Variants in DDX10 observed in about 807,000 individuals in gnomAD.
DDX10 encodes the protein DEAD-box helicase 10.
DDX10 carries 74 observed loss-of-function variants against 104.3 expected under a neutral mutation model. The ratio of observed to expected loss-of-function variants is 0.71; its 90% confidence interval spans 0.59 to 0.86. DDX10 has a LOEUF of 0.86. Ranked by LOEUF, DDX10 falls within the 40% of genes least tolerant of loss-of-function variation. The pLI is 0.00. For missense variants in DDX10, 952 were observed against 1,040.0 expected (o/e 0.92, Z 1.16); for synonymous variants, 351 against 353.4 (o/e 0.99, Z 0.08).
At position 108,754,900 on chromosome 11, in the gene DDX10, C is replaced by A. The variant is rs553703583; in HGVS notation, c.1965+31438C>A. Among the ~76,000 whole-genome samples the A allele has an allele frequency of 3.9e-5, 6 of 152,128 alleles. No individual in the cohort carries two copies. The East Asian group carries it at 1.2e-3, about 29-fold the overall frequency. On this transcript the variant is annotated intron_variant, in intron 13 of 17. Coordinates refer to ENST00000322536, the MANE Select transcript of DDX10 (RefSeq NM_004398.4). ...AAAAGGTTGGATTTTCAGACTGATA[C>A]ATTTACATCTGTTTAATTTGAATAT...
chr11:108,790,363 A>G (rs1861853772), intron 13 of DDX10, among the ~76,000 whole-genome samples: 1 of 152,244 alleles, frequency 6.6e-6, no homozygotes, highest in South Asian at 2.1e-4. Flanking sequence ...AGAAGGAAGC[A>G]GAGGTATTAA....
chr11:108,820,545 T>C (rs1591827039), intron 13 of DDX10, among the ~76,000 whole-genome samples: 1 of 152,218 alleles, frequency 6.6e-6, no homozygotes, highest in East Asian at 1.9e-4. Flanking sequence ...TGTATCAGTG[T>C]GTAATCATAC....
rs368688576 is a variant in DDX10, at chr11:108,806,185, A to C, written c.1966-32261A>C. On this transcript the variant is annotated intron_variant, in intron 13 of 17. Coordinates refer to ENST00000322536, the MANE Select transcript of DDX10 (RefSeq NM_004398.4). ...TCCATGTTGGCTAGGCTGGTCTCGA[A>C]CTCCTGGCCTCAGGTGATCCCTCCG... Among the ~76,000 whole-genome samples the C allele has an allele frequency of 1.1e-4, 17 of 152,086 alleles. No individual in the cohort carries two copies. The East Asian group carries it at 3.3e-3, about 30-fold the overall frequency.
At chr11:108,906,204 T>C (rs1014706873) in intron 16 of DDX10, among the ~76,000 whole-genome samples, 2 of 152,230 alleles carry the variant, frequency 1.3e-5, no homozygotes, top group African/African-American at 4.8e-5. Flanking sequence ...CATTCTAACA[T>C]TGATACTCCT....
At chr11:108,938,826 G>A (rs1864067939) in intron 17 of DDX10, among the ~76,000 whole-genome samples, 1 of 152,098 alleles carries the variant, frequency 6.6e-6, no homozygotes, top group African/African-American at 2.4e-5. Flanking sequence ...GCATCAAGCT[G>A]GTCATAAATG....
chr11:108,670,434 T>C (rs1220712769), intron 1 of DDX10, among the ~76,000 whole-genome samples: 3 of 152,250 alleles, frequency 2.0e-5, no homozygotes, highest in East Asian at 3.9e-4. Flanking sequence ...GCCAGGCTGA[T>C]GGGGAGTCAC....
chr11:108,739,160 A>C (rs1220739502), intron 13 of DDX10, among the ~76,000 whole-genome samples: 1 of 152,212 alleles, frequency 6.6e-6, no homozygotes, highest in African/African-American at 2.4e-5. Context: ...CAAGATGTAC[A>C]GAAACATGAG....
chr11:108,714,613 G>T (rs367856095), intron 10 of DDX10, among the ~76,000 whole-genome samples: 1 of 151,804 alleles, frequency 6.6e-6, no homozygotes, highest in African/African-American at 2.4e-5. Flanking sequence ...GTTAACTTCA[G>T]GAAGCACTGA....
At chr11:108,712,800 CTT>C (rs2094286203) in intron 10 of DDX10, among the ~76,000 whole-genome samples, 11 of 150,564 alleles carry the variant, frequency 7.3e-5, no homozygotes, top group African/African-American at 2.7e-4. Context: ...GAGTTTCTCA[CTT>C]ACGTTTTTTT....
At chr11:108,782,699 A>C (rs1861722975) in intron 13 of DDX10, among the ~76,000 whole-genome samples, 7 of 152,094 alleles carry the variant, frequency 4.6e-5, no homozygotes, top group Admixed American at 4.6e-4. Flanking sequence ...CCCTGTTTGC[A>C]GTGTCTACCA....
Position 108,715,929 on chromosome 11 carries a change from T to C in DDX10, c.1373T>C (p.Leu458Ser). 6.4e-7 allele frequency: 1 copy of C among 1,568,226 alleles called. No homozygotes were observed. The highest frequency in any genetic ancestry group is 1.1e-5 in the South Asian group (1 of 89,002). The part of the protein sequence containing the change: ...IDVQKKLESI[L>S]AQDQDLKERA... ...GTCCAGAAAAAATTGGAATCTATTT[T>C]AGCTCAAGATCAAGATTTAAAAGAA... The change falls in exon 11 of 18, where the codon TTA (leucine) becomes TCA (serine). Residue 458 changes from leucine (L) to serine (S), a missense_variant. By Grantham distance (145) the Leu-to-Ser change is moderately radical. Coordinates refer to ENST00000322536, the MANE Select transcript of DDX10 (RefSeq NM_004398.4).
intron 1 of DDX10, among the ~76,000 whole-genome samples, chr11:108,666,905 C>G (rs919406233): frequency 6.6e-6 from 1 of 152,196 alleles, no homozygotes. Flanking sequence ...TTTTCAGCAC[C>G]ACATCCTAGC....
chr11:108,719,911 T>C (rs932865951), intron 12 of DDX10, 26 bp downstream of exon 12: 1 of 1,269,766 alleles, frequency 7.9e-7, no homozygotes. Flanking sequence ...ATAGTTGTAA[T>C]AGTGAATCCT....
At position 108,880,740 on chromosome 11, in the gene DDX10, A is replaced by T. The variant is rs187646655; in HGVS notation, c.2304+28531A>T. Among the ~76,000 whole-genome samples the T allele has an allele frequency of 9.0e-4, 137 of 152,280 alleles. 1 individual carries two copies. The highest frequency in any genetic ancestry group is 3.2e-3 in the African/African-American group (134 of 41,548). The stretch of plus-strand genomic sequence containing the variant: ...AGCATTTAAACAGGAAAGTAACATA[A>T]TCCGGGTCATTTGGCCCAGACTTGA... On this transcript the variant is annotated intron_variant, in intron 16 of 17. Transcript: ENST00000322536.
chr11:108,763,789 C>A (rs1377388462), intron 13 of DDX10, among the ~76,000 whole-genome samples: 2 of 151,902 alleles, frequency 1.3e-5, no homozygotes, highest in African/African-American at 4.8e-5. Flanking sequence ...TAATAAAAAG[C>A]AAAGAGTTTT....
At chr11:108,845,384 C>G (rs1200521739) in intron 15 of DDX10, among the ~76,000 whole-genome samples, 1 of 151,874 alleles carries the variant, frequency 6.6e-6, no homozygotes, top group East Asian at 1.9e-4. Context: ...CATTTTTTTC[C>G]TAACTGAGTA....
rs1331500821 is a variant in DDX10 at position 108,764,599 on chromosome 11, G to A, written c.1965+41137G>A. Among the ~76,000 whole-genome samples, 5 of 152,284 alleles carry A rather than the reference G, an allele frequency of 3.3e-5. No individual in the cohort carries two copies. The East Asian group carries it at 9.6e-4, about 29-fold the overall frequency. Reference sequence around the variant, plus strand: ...CAGGAGAATTGCTTGAACCCAGGAGGCAGAGGCTACAGTGAGCTGAGATCG... The same window carrying A: ...CAGGAGAATTGCTTGAACCCAGGAGACAGAGGCTACAGTGAGCTGAGATCG... On this transcript the variant is annotated intron_variant, in intron 13 of 17. Coordinates refer to ENST00000322536, the MANE Select transcript of DDX10 (RefSeq NM_004398.4).
At chr11:108,796,434 C>T (rs533017401) in intron 13 of DDX10, among the ~76,000 whole-genome samples, 11 of 152,212 alleles carry the variant, frequency 7.2e-5, no homozygotes, top group African/African-American at 2.2e-4. Context: ...TTAAATTGTA[C>T]TCAGTAATGG....
intron 6 of DDX10, among the ~76,000 whole-genome samples, chr11:108,683,591 C>T (rs760182606): frequency 2.0e-5 from 3 of 152,116 alleles, no homozygotes; most frequent in Non-Finnish European, 4.4e-5. Context: ...CTATTCTAGG[C>T]CAGAGGGTTA....
Sources: gnomAD v4.1 joint callset for allele counts (sites outside exome capture counted in the v4.1 genomes callset) on GRCh38, gnomAD v4.1.1 for gene constraint, MANE v1.5 for transcripts, NCBI Gene and HGNC (gene_info 2026-07-23, HGNC 2026-07-21) for gene names.